Variants in FSHR observed in about 807,000 individuals in gnomAD.
The protein encoded by FSHR is follicle stimulating hormone receptor, also known as follicle-stimulating hormone receptor.
FSHR carries 46 observed loss-of-function variants against 52.1 expected under a neutral mutation model. The observed-to-expected ratio is 0.88, with a 90% CI of 0.70 to 1.13. FSHR has a LOEUF of 1.13. FSHR is among the 50% of genes most tolerant of loss of function. FSHR has a pLI of 0.00. For missense variants in FSHR, 964 were observed against 834.6 expected (o/e 1.16, Z -1.91); for synonymous variants, 399 against 309.6 (o/e 1.29, Z -3.03).
At chr2:49,031,766 T>C (rs1224787870) in intron 2 of FSHR, among the ~76,000 whole-genome samples, 1 of 152,238 alleles carries the variant, frequency 6.6e-6, no homozygotes, top group Non-Finnish European at 1.5e-5. Flanking sequence ...TTAGCCTCTC[T>C]GAGCCTCGGT....
intron 1 of FSHR, among the ~76,000 whole-genome samples, chr2:49,070,266 C>G (rs753493847): frequency 2.0e-5 from 3 of 152,178 alleles, no homozygotes; most frequent in Non-Finnish European, 2.9e-5. Flanking sequence ...ACCCAAGCCT[C>G]AAAAATATTA....
intron 1 of FSHR, among the ~76,000 whole-genome samples, chr2:49,151,561 G>A (rs1380332556): frequency 6.6e-6 from 1 of 152,046 alleles, no homozygotes; most frequent in African/African-American, 2.4e-5. Flanking sequence ...CAAGGTGAAT[G>A]GAATGATAGG....
intron 5 of FSHR, among the ~76,000 whole-genome samples, chr2:48,989,951 A>G (rs191197497): frequency 1.2e-4 from 19 of 152,230 alleles, no homozygotes; most frequent in Admixed American, 3.3e-4. Context: ...AAAGATTTTC[A>G]TATTTTCCTC....
At chr2:49,046,582 G>A (rs377130186) in intron 2 of FSHR, among the ~76,000 whole-genome samples, 6 of 152,130 alleles carry the variant, frequency 3.9e-5, no homozygotes, top group African/African-American at 1.4e-4. Context: ...ACAACAAATG[G>A]CAGCTGTGAT....
intron 8 of FSHR, among the ~76,000 whole-genome samples, chr2:48,975,751 T>C (rs1050544431): frequency 6.6e-6 from 1 of 152,192 alleles, no homozygotes; most frequent in Non-Finnish European, 1.5e-5. Flanking sequence ...CTGTAGCAAT[T>C]GTGAATGGGA....
At chr2:49,072,818 T>G (rs184254634) in intron 1 of FSHR, among the ~76,000 whole-genome samples, 2 of 150,976 alleles carry the variant, frequency 1.3e-5, no homozygotes, top group East Asian at 3.9e-4. Flanking sequence ...ACACTGAAAA[T>G]GATTATTACA....
At chr2:49,033,449 A>G (rs1009707630) in intron 2 of FSHR, among the ~76,000 whole-genome samples, 1 of 152,196 alleles carries the variant, frequency 6.6e-6, no homozygotes, top group African/African-American at 2.4e-5. Context: ...AGTAAGGGGG[A>G]AAATCACCAA....
chr2:49,093,258 T>A (rs1225769264), intron 1 of FSHR, among the ~76,000 whole-genome samples: 1 of 152,232 alleles, frequency 6.6e-6, no homozygotes, highest in Non-Finnish European at 1.5e-5. Flanking sequence ...ACTGACTTTG[T>A]CTACTTGTTC....
chr2:49,021,886 T>TATATATATATAGAGAGAGAG (rs1273265515), intron 2 of FSHR, among the ~76,000 whole-genome samples: 2 of 25,122 alleles, frequency 8.0e-5, no homozygotes, highest in Non-Finnish European at 1.5e-4. Flanking sequence ...TATATATATA[T>TATATATATATAGAGAGAGAG]AGAGAGAGAG....
intron 8 of FSHR, among the ~76,000 whole-genome samples, chr2:48,976,339 C>T (rs968161816): frequency 1.3e-5 from 2 of 152,168 alleles, no homozygotes; most frequent in African/African-American, 4.8e-5. Flanking sequence ...ATGAAGCTGA[C>T]TTGATCGTGG....
At chr2:49,070,266 CA>C (rs1325962546) in intron 1 of FSHR, among the ~76,000 whole-genome samples, 1 of 152,060 alleles carries the variant, frequency 6.6e-6, no homozygotes, top group Admixed American at 6.6e-5. Context: ...ACCCAAGCCT[CA>C]AAAATATTAG....
intron 9 of FSHR, among the ~76,000 whole-genome samples, chr2:48,966,013 C>T (rs1674463538): frequency 6.6e-6 from 1 of 152,122 alleles, no homozygotes; most frequent in South Asian, 2.1e-4. Context: ...GTCGCAGAGC[C>T]TAAGCTTTGG....
intron 1 of FSHR, among the ~76,000 whole-genome samples, chr2:49,144,358 A>G (rs1672794355): frequency 6.6e-6 from 1 of 152,138 alleles, no homozygotes; most frequent in African/African-American, 2.4e-5. Context: ...GCCACTTTGT[A>G]ATTTTCCTAT....
intron 2 of FSHR, among the ~76,000 whole-genome samples, chr2:49,047,039 TCTC>T (rs1283410229): frequency 3.3e-5 from 5 of 152,078 alleles, no homozygotes; most frequent in African/African-American, 1.2e-4. Context: ...AGTCGATAAA[TCTC>T]CTCCTTTTAA....
At chr2:49,153,697 C>T (rs373845443) in intron 1 of FSHR, among the ~76,000 whole-genome samples, 14 of 152,016 alleles carry the variant, frequency 9.2e-5, no homozygotes, top group Admixed American at 2.6e-4. Context: ...CTGTATTTCT[C>T]CCTCTCTCTG....
At chr2:49,015,621 G>T (rs985080979) in intron 4 of FSHR, among the ~76,000 whole-genome samples, 2 of 152,072 alleles carry the variant, frequency 1.3e-5, no homozygotes, top group African/African-American at 2.4e-5. Flanking sequence ...CTGTTGTCAC[G>T]TATTTCCTCT....
intron 2 of FSHR, among the ~76,000 whole-genome samples, chr2:49,034,851 C>T (rs774207890): frequency 3.3e-5 from 5 of 152,094 alleles, no homozygotes; most frequent in African/African-American, 9.7e-5. Flanking sequence ...GCATTTCTCA[C>T]CCCTGGAGAA....
At chr2:49,057,412 A>G (rs1341739006) in intron 2 of FSHR, among the ~76,000 whole-genome samples, 2 of 152,260 alleles carry the variant, frequency 1.3e-5, no homozygotes, top group Admixed American at 6.5e-5. Flanking sequence ...ATGAACAAGT[A>G]TACACCAATA....
intron 4 of FSHR, among the ~76,000 whole-genome samples, chr2:48,993,961 C>T (rs1476046513): frequency 6.6e-6 from 1 of 152,156 alleles, no homozygotes; most frequent in East Asian, 1.9e-4. Flanking sequence ...TGTTTTAGCA[C>T]TCCTCAAAAC....
Sources: gnomAD v4.1 joint callset for allele counts (sites outside exome capture counted in the v4.1 genomes callset) on GRCh38, gnomAD v4.1.1 for gene constraint, MANE v1.5 for transcripts, NCBI Gene and HGNC (gene_info 2026-07-23, HGNC 2026-07-21) for gene names.